ACSBG1: variants seen among roughly 807,000 people sequenced by gnomAD.
The protein encoded by ACSBG1 is acyl-CoA synthetase bubblegum family member 1.
Under a neutral mutation model 80.2 loss-of-function variants are expected in ACSBG1, and 39 were observed. The ratio of observed to expected loss-of-function variants is 0.49; its 90% CI spans 0.38 to 0.64. The LOEUF (loss-of-function observed/expected upper bound fraction) is 0.64. Among genes scored for constraint, ACSBG1 ranks in the 30% least tolerant of loss-of-function variants. The probability of loss-of-function intolerance (pLI) is 0.00; values close to 1 mark genes in which losing one functional copy is unlikely to be tolerated. For missense variants in ACSBG1, 828 were observed against 966.4 expected (o/e 0.86, Z 1.90); for synonymous variants, 392 against 379.5 (o/e 1.03, Z -0.38).
At position 78,178,276 on chromosome 15, in the gene ACSBG1, C is replaced by T. The variant is rs992881905; in HGVS notation, c.1702+338G>A. Among the ~76,000 whole-genome samples the T allele has an allele frequency of 5.9e-5, 9 of 152,058 alleles. No homozygotes were observed. Among genetic ancestry groups the T allele is most frequent in the Admixed American group, 2.0e-4 (3 of 15,244 alleles). On this transcript the variant is annotated intron_variant, in intron 11 of 13. Coordinates refer to ENST00000258873, the MANE Select transcript of ACSBG1 (RefSeq NM_015162.5). This position sits in a 1 kb window ranked among gnomAD's most constrained non-coding sequence, Gnocchi z 4.3. ...CCCACCCCACTGCAGCTGTCCAGGG[C>T]GCTTGCCTTTTTTTGTTTGTTTGTT...
rs1374699865 is a variant in ACSBG1, at chr15:78,172,690, C to A, written c.2089+903G>T. Among the ~76,000 whole-genome samples the A allele has an allele frequency of 1.3e-5, 2 of 152,210 alleles. No individual in the cohort carries two copies. The stretch of plus-strand genomic sequence containing the variant: ...GATTGCAGCTCAGCTTTGCTGTAGA[C>A]AATTGCATCTGGGTTCAGCCGTGAT... On this transcript the variant is annotated intron_variant, in intron 13 of 13. Transcript: ENST00000258873. The surrounding 1 kb of genome is among the most constrained non-coding windows in gnomAD (Gnocchi z 4.1).
At chr15:78,214,118 T>C (rs2075289328) in intron 1 of ACSBG1, among the ~76,000 whole-genome samples, 1 of 152,184 alleles carries the variant, frequency 6.6e-6, no homozygotes, top group Non-Finnish European at 1.5e-5. Context: ...CAAATATCCC[T>C]GCACCTTGCG....
In ACSBG1 at chr15:78,180,649, G is replaced by A. The variant is rs567144170; in HGVS notation, c.1253+106C>T. ...CTGCACGGGGTCTCCAGAGCTGCCC[G>A]GCCACTGGAACCGGGACAGGCATGG... On this transcript the variant is annotated intron_variant, in intron 9 of 13. Transcript: ENST00000258873. 6.4e-5 allele frequency: 92 copies of A among 1,441,468 alleles called. 1 individual carries two copies. In the African/African-American group the frequency reaches 1.1e-3, roughly 18 times the overall value. The allele number at this position is 1,441,468 out of a possible 1,614,324, so 89.3% of individuals were successfully genotyped here.
intron 1 of ACSBG1, among the ~76,000 whole-genome samples, chr15:78,226,090 C>T (rs897897578): frequency 4.6e-5 from 7 of 152,178 alleles, no homozygotes; most frequent in East Asian, 1.9e-4. Context: ...ATGAAAGACA[C>T]GGTATTTTTG....
chr15:78,204,882 G>A (rs779444117), intron 2 of ACSBG1, among the ~76,000 whole-genome samples: 2 of 152,180 alleles, frequency 1.3e-5, no homozygotes, highest in Non-Finnish European at 2.9e-5. Context: ...TGGGAGTGAC[G>A]AACCGAGGGA....
rs923789213 is a variant in ACSBG1, at chr15:78,167,510, C to T, written c.*3934G>A. 12 of 152,196 alleles carry T rather than the reference C, an allele frequency of 7.9e-5. No individual in the cohort carries two copies. Among genetic ancestry groups the T allele is most frequent in the African/African-American group, 2.9e-4 (12 of 41,454 alleles). The allele number at this position is 152,196 out of a possible 1,614,324, so 9.4% of individuals were successfully genotyped here. Reference sequence around the variant, plus strand: ...TTTAACAAAAATTGTGAAAAATATGCATAACATAAAATTTGCCATTTTAGC... The same window carrying T: ...TTTAACAAAAATTGTGAAAAATATGTATAACATAAAATTTGCCATTTTAGC... On this transcript the variant is annotated 3_prime_UTR_variant, in exon 14 of 14. Transcript: ENST00000258873.
intron 2 of ACSBG1, 70 bp downstream of exon 2, chr15:78,207,932 A>ACCCCCCC: frequency 3.8e-6 from 1 of 264,832 alleles, no homozygotes; most frequent in Non-Finnish European, 7.6e-6. Flanking sequence ...CACACCACCC[A>ACCCCCCC]CCCCTCCAGC....
rs1418406343 is a variant in ACSBG1 at position 78,169,571 on chromosome 15, A to T, written c.*1873T>A. 6.6e-6 allele frequency: 1 copy of T among 152,260 alleles called. No homozygotes were observed. The highest frequency in any genetic ancestry group is 1.5e-5 in the Non-Finnish European group (1 of 68,048). The allele number at this position is 152,260 out of a possible 1,614,324, so 9.4% of individuals were successfully genotyped here. Reference sequence around the variant, plus strand: ...TAGAGACAGATTTGTCCTTTACAGAAATTACTGAGTGTGAATAAAAACTTC... The same window carrying T: ...TAGAGACAGATTTGTCCTTTACAGATATTACTGAGTGTGAATAAAAACTTC... On this transcript the variant is annotated 3_prime_UTR_variant, in exon 14 of 14. Transcript: ENST00000258873.
At chr15:78,184,695 T>C (rs555464542) in intron 5 of ACSBG1, among the ~76,000 whole-genome samples, 9 of 152,310 alleles carry the variant, frequency 5.9e-5, no homozygotes, top group African/African-American at 2.2e-4. Context: ...TGCTAAAATA[T>C]ATATTCCTGA....
chr15:78,234,461 CCGTGTGGG>C lies in ACSBG1; in HGVS notation c.33_40del (p.Cys11TrpfsTer35). ...TCTGCTGTCCAGCATGCTGGGGTCC[CCGTGTGGG>C]CAGCCGTATCCAGCTCCAGAATTGC... On this transcript the variant is annotated frameshift_variant, in exon 1 of 14. Coordinates refer to ENST00000258873, the MANE Select transcript of ACSBG1 (RefSeq NM_015162.5). LOFTEE classifies it high-confidence loss of function. The C allele has an allele frequency of 6.2e-7, 1 of 1,612,834 alleles. No individual in the cohort carries two copies. The highest frequency in any genetic ancestry group is 8.5e-7 in the Non-Finnish European group (1 of 1,180,012).
At chr15:78,227,478 G>A (rs565562318) in intron 1 of ACSBG1, among the ~76,000 whole-genome samples, 1 of 152,108 alleles carries the variant, frequency 6.6e-6, no homozygotes, top group African/African-American at 2.4e-5. Context: ...GATCATCAGG[G>A]AAATTTAAAT....
chr15:78,183,676 C>A (rs1879898033), intron 5 of ACSBG1, among the ~76,000 whole-genome samples: 1 of 152,168 alleles, frequency 6.6e-6, no homozygotes, highest in Non-Finnish European at 1.5e-5. Context: ...AGCAAAAATT[C>A]TTTGAGTGTT....
intron 9 of ACSBG1, among the ~76,000 whole-genome samples, chr15:78,180,279 C>A (rs1237893155): frequency 6.6e-6 from 1 of 152,210 alleles, no homozygotes; most frequent in Non-Finnish European, 1.5e-5. Context: ...ATGGAAACTA[C>A]TTCTAAATTG....
At chr15:78,228,897 T>C (rs986963529) in intron 1 of ACSBG1, among the ~76,000 whole-genome samples, 1 of 152,230 alleles carries the variant, frequency 6.6e-6, no homozygotes, top group Non-Finnish European at 1.5e-5. Flanking sequence ...TAAATGTTGC[T>C]TTACCAGGAG....
In ACSBG1 at chr15:78,172,224, T is replaced by C. The variant is rs1054420226; in HGVS notation, c.2090-695A>G. Among the ~76,000 whole-genome samples the C allele has an allele frequency of 2.6e-5, 4 of 152,266 alleles. No homozygotes were observed. The highest frequency in any genetic ancestry group is 9.6e-5 in the African/African-American group (4 of 41,470). On this transcript the variant is annotated intron_variant, in intron 13 of 13. Transcript: ENST00000258873. This position sits in a 1 kb window ranked among gnomAD's most constrained non-coding sequence, Gnocchi z 4.1. ...AAGCTGTTCCTGGATTCTTGACCCATAGAAATGTGGATAATAAATGTTTAC... is the reference window on the plus strand; with the variant it reads ...AAGCTGTTCCTGGATTCTTGACCCACAGAAATGTGGATAATAAATGTTTAC...
chr15:78,201,639 T>TC (rs1175978014), intron 2 of ACSBG1, among the ~76,000 whole-genome samples: 1 of 152,150 alleles, frequency 6.6e-6, no homozygotes, highest in Non-Finnish European at 1.5e-5. Context: ...TGTGCAATCC[T>TC]CCCCCTTCTT....
At chr15:78,232,778 G>A (rs543203674) in intron 1 of ACSBG1, among the ~76,000 whole-genome samples, 8 of 151,562 alleles carry the variant, frequency 5.3e-5, no homozygotes, top group African/African-American at 1.5e-4. Flanking sequence ...TCCACCTCCC[G>A]GGTTCAAGCA....
intron 1 of ACSBG1, among the ~76,000 whole-genome samples, chr15:78,213,020 G>T (rs1487296775): frequency 6.6e-6 from 1 of 152,128 alleles, no homozygotes; most frequent in Non-Finnish European, 1.5e-5. Context: ...ATCACTTCTG[G>T]TAGTTCCCAT....
Position 78,182,790 on chromosome 15 carries a change from A to G in ACSBG1, c.664-5T>C. The G allele has an allele frequency of 6.2e-7, 1 of 1,614,030 alleles. No individual in the cohort carries two copies. Among genetic ancestry groups the G allele is most frequent in the South Asian group, 1.1e-5 (1 of 91,088 alleles). On this transcript the variant is annotated splice_region_variant and splice_polypyrimidine_tract_variant and intron_variant, in intron 5 of 13. Coordinates refer to ENST00000258873, the MANE Select transcript of ACSBG1 (RefSeq NM_015162.5). ...ATGTGGCAACTGTTTCCAGATCTGC[A>G]TTGACAGGAAAAATAGATCAGGTTT... is the stretch of plus-strand genomic sequence containing the variant.
Sources: gnomAD v4.1 joint callset for allele counts (sites outside exome capture counted in the v4.1 genomes callset) on GRCh38, gnomAD v4.1.1 for gene constraint, Gnocchi (gnomAD v3.1) non-coding constraint, MANE v1.5 for transcripts, NCBI Gene and HGNC (gene_info 2026-07-23, HGNC 2026-07-21) for gene names.